ZNF275: variants seen among roughly 807,000 people sequenced by gnomAD.
ZNF275 encodes zinc finger protein 275.
In ZNF275, 4 loss-of-function variants were observed where a neutral mutation model predicts 4.3. The ratio of observed to expected loss-of-function variants is 0.93; its 90% confidence interval spans 0.46 to 2.13. The LOEUF is 2.13. ZNF275 is among the 30% of genes most tolerant of loss of function. The probability of loss-of-function intolerance (pLI) is 0.02; values close to 1 mark genes in which losing one functional copy is unlikely to be tolerated. For missense variants in ZNF275, 352 were observed against 397.1 expected (o/e 0.89, Z 0.97); for synonymous variants, 173 against 166.9 (o/e 1.04, Z -0.28).
At chrX:153,338,339 G>T (rs1556960749) in intron 2 of ZNF275, among the ~76,000 whole-genome samples, 1 of 110,462 alleles carries the variant, frequency 9.1e-6, no homozygotes, top group African/African-American at 3.3e-5. Flanking sequence ...GTGGAAGCAG[G>T]GCCCACTTCT....
At position 153,349,799 on chromosome X, in the gene ZNF275, G is replaced by A. The variant is rs572620335; in HGVS notation, c.*1824G>A. The A allele has an allele frequency of 8.1e-6, 1 of 123,288 alleles. No homozygotes were observed. The highest frequency in any genetic ancestry group is 9.4e-5 in the Admixed American group (1 of 10,595). The allele number at this position is 123,288 out of a possible 1,213,427, so 10.2% of individuals were successfully genotyped here. A position where few individuals can be genotyped will look rare whatever the true frequency, so the allele number is the denominator to read the frequency against. On this transcript the variant is annotated 3_prime_UTR_variant, in exon 4 of 4. Transcript: ENST00000650114. ...CAGGCTCTTTCCTCATCCGAGATGC[G>A]GACTCCCTGTCTATCTGTGGGCACC...
intron 2 of ZNF275, chrX:153,344,291 C>T (rs923173343): frequency 3.4e-6 from 1 of 290,093 alleles, no homozygotes; most frequent in African/African-American, 2.8e-5. Context: ...GTCTCTTGCC[C>T]CAGCATGACA....
intron 2 of ZNF275, chrX:153,344,692 G>A (rs782301762): frequency 5.3e-6 from 2 of 374,365 alleles, no homozygotes; most frequent in African/African-American, 5.1e-5. Flanking sequence ...ATTTGATGAT[G>A]TGGCATGGTA....
intron 1 of ZNF275, among the ~76,000 whole-genome samples, chrX:153,335,724 A>T (rs2088441534): frequency 9.1e-6 from 1 of 109,959 alleles, no homozygotes; most frequent in South Asian, 4.1e-4. Context: ...AGAGTTGGAG[A>T]ATCTGGGAAC....
rs1321617710 is a variant in ZNF275 at position 153,347,968 on chromosome X, A to T, written c.1283A>T (p.His428Leu). 9.0e-7 allele frequency: 1 copy of T among 1,113,833 alleles called. No homozygotes were observed. Among genetic ancestry groups the T allele is most frequent in the African/African-American group, 1.8e-5 (1 of 54,554 alleles). The allele number at this position is 1,113,833 out of a possible 1,213,427, so 91.8% of individuals were successfully genotyped here. A position where few individuals can be genotyped will look rare whatever the true frequency, so the allele number is the denominator to read the frequency against. ...SALQKHQPTH[H>L]E The stretch of plus-strand genomic sequence containing the variant: ...CTGCAGAAGCATCAGCCAACCCACC[A>T]CGAGTAGAAACGCCCTGTGGTCCCG... Residue 428 changes from histidine (H) to leucine (L), a missense_variant, in exon 4 of 4, where the codon CAC (histidine) becomes CTC (leucine). By Grantham distance (99) the His-to-Leu change is moderately conservative. Transcript: ENST00000650114.
chrX:153,340,019 A>G (rs2124206295), intron 2 of ZNF275, among the ~76,000 whole-genome samples: 1 of 112,272 alleles, frequency 8.9e-6, no homozygotes, highest in East Asian at 2.8e-4. Flanking sequence ...TTGGAAGTGA[A>G]TTTTTTTAAA....
In ZNF275 at chrX:153,348,108, G is replaced by C. The variant is rs1241337074; in HGVS notation, c.*133G>C. ...TTGAGACCGATTTATACTGCCACCA[G>C]CAATTTATAAGTGTTACGTTATGCC... On this transcript the variant is annotated 3_prime_UTR_variant, in exon 4 of 4. Transcript: ENST00000650114. 1 of 617,428 alleles carries C rather than the reference G, an allele frequency of 1.6e-6. No homozygotes were observed. Among genetic ancestry groups the C allele is most frequent in the African/African-American group, 2.3e-5 (1 of 43,498 alleles). The allele number at this position is 617,428 out of a possible 1,213,427, so 50.9% of individuals were successfully genotyped here. A position where few individuals can be genotyped will look rare whatever the true frequency, so the allele number is the denominator to read the frequency against.
intron 2 of ZNF275, among the ~76,000 whole-genome samples, chrX:153,339,861 C>T: frequency 9.0e-6 from 1 of 110,898 alleles, no homozygotes; most frequent in East Asian, 2.9e-4. Flanking sequence ...AATTGGGGGG[C>T]TGGGCCAGGG....
intron 2 of ZNF275, 64 bp downstream of exon 2, chrX:153,336,774 C>T (rs2088449101): frequency 9.1e-7 from 1 of 1,097,496 alleles, no homozygotes. Context: ...ATCAGAAGAC[C>T]CTATAGGTGG....
At chrX:153,343,225 C>T (rs188343305) in intron 2 of ZNF275, among the ~76,000 whole-genome samples, 6 of 112,915 alleles carry the variant, frequency 5.3e-5, no homozygotes, top group Admixed American at 9.3e-5. Context: ...TTCTTTTTCA[C>T]ATAACATCTT....
At chrX:153,334,591 G>C (rs1260257046) in intron 1 of ZNF275, among the ~76,000 whole-genome samples, 2 of 111,314 alleles carry the variant, frequency 1.8e-5, no homozygotes, top group African/African-American at 6.5e-5. Context: ...CGAGGCGGGC[G>C]GGGGGCGGCG....
At chrX:153,343,029 G>A (rs781929956) in intron 2 of ZNF275, among the ~76,000 whole-genome samples, 10 of 112,559 alleles carry the variant, frequency 8.9e-5, no homozygotes, top group African/African-American at 2.6e-4. Flanking sequence ...GAGAGCTGGG[G>A]CAATGATAGG....
intron 1 of ZNF275, 126 bp from the exon 2 acceptor site, chrX:153,336,508 C>T: frequency 4.2e-6 from 2 of 474,609 alleles, no homozygotes; most frequent in Non-Finnish European, 7.3e-6. Context: ...CAGATCGTGG[C>T]AGTATATATT....
chrX:153,338,660 CT>C (rs2088461156), intron 2 of ZNF275, among the ~76,000 whole-genome samples: 2 of 76,615 alleles, frequency 2.6e-5, no homozygotes, highest in Admixed American at 2.9e-4. Context: ...CTTGGGAGGA[CT>C]GTGTGTGTGT....
chrX:153,339,407 C>T (rs960946462), intron 2 of ZNF275, among the ~76,000 whole-genome samples: 1 of 111,822 alleles, frequency 8.9e-6, no homozygotes, highest in East Asian at 2.8e-4. Flanking sequence ...GGCGCAGTGG[C>T]TCACACCTGT....
rs782292065 is a variant in ZNF275 at position 153,352,629 on chromosome X, T to G, written c.*4654T>G. ...TTTAAACTTGGCCCTCAATGTCATT[T>G]GCGTATCTCTGAGAACAATAGCTAT... On this transcript the variant is annotated 3_prime_UTR_variant, in exon 4 of 4. Coordinates refer to ENST00000650114, the MANE Select transcript of ZNF275 (RefSeq NM_001367757.1). The G allele has an allele frequency of 1.8e-5, 2 of 112,511 alleles. No homozygotes were observed. The highest frequency in any genetic ancestry group is 9.4e-5 in the Admixed American group (1 of 10,691). The allele number at this position is 112,511 out of a possible 1,213,427, so 9.3% of individuals were successfully genotyped here. A position where few individuals can be genotyped will look rare whatever the true frequency, so the allele number is the denominator to read the frequency against.
chrX:153,347,027 C>A lies in ZNF275; in HGVS notation c.342C>A (p.Val114=). ...GTGGGGACACCTTTCGGCTTAAAGT[C>A]CTGCTTGTCCAGCACCAGAGAGTCC... ...KECGDTFRLK[V]LLVQHQRVHS... Residue 114 remains valine, a synonymous_variant, in exon 4 of 4, where the codon GTC becomes GTA. Coordinates refer to ENST00000650114, the MANE Select transcript of ZNF275 (RefSeq NM_001367757.1). 1 of 1,211,219 alleles carries A rather than the reference C, an allele frequency of 8.3e-7. No individual in the cohort carries two copies.
At chrX:153,346,782 C>T in intron 3 of ZNF275, 37 bp from the exon 4 acceptor site, 2 of 1,139,276 alleles carry the variant, frequency 1.8e-6, no homozygotes, top group Non-Finnish European at 2.3e-6. Context: ...CTCCTTCATC[C>T]TCTGCAGACT....
chrX:153,347,695 T>A lies in ZNF275; in HGVS notation c.1010T>A (p.Leu337Gln). 1 of 1,208,843 alleles carries A rather than the reference T, an allele frequency of 8.3e-7. No homozygotes were observed. Among genetic ancestry groups the A allele is most frequent in the Non-Finnish European group, 1.1e-6 (1 of 894,243 alleles). ...GCCTTCCGCCAGAGCTCCAGCCTCC[T>A]GGAGCACGCACGCATCCACAGTGGC... ...GKAFRQSSSL[L>Q]EHARIHSGER... Residue 337 changes from leucine (L) to glutamine (Q), a missense_variant, in exon 4 of 4, where the codon CTG becomes CAG. Transcript: ENST00000650114.
Sources: gnomAD v4.1 joint callset for allele counts (sites outside exome capture counted in the v4.1 genomes callset) on GRCh38, gnomAD v4.1.1 for gene constraint, MANE v1.5 for transcripts, NCBI Gene and HGNC (gene_info 2026-07-23, HGNC 2026-07-21) for gene names.